The following MEGF6 variants were observed in gnomAD, a reference collection of about 807,000 sequenced individuals.
MEGF6 encodes multiple EGF like domains 6.
MEGF6 carries 184 observed loss-of-function variants against 207.1 expected under a neutral mutation model. The ratio of observed to expected loss-of-function variants is 0.89; its 90% CI spans 0.79 to 1.00. The LOEUF is 1.00. MEGF6 is among the 50% of genes least tolerant of loss of function. The pLI is 0.00. For synonymous variants in MEGF6, 1,038 were observed against 910.0 expected, an observed-to-expected ratio of 1.14 and a Z score of -2.53; for missense variants, 2,282 against 2,202.9, an observed-to-expected ratio of 1.04 and a Z score of -0.72.
At chr1:3,563,761 G>T (rs1227819636) in intron 4 of MEGF6, among the ~76,000 whole-genome samples, 1 of 152,192 alleles carries the variant, frequency 6.6e-6, no homozygotes, top group African/African-American at 2.4e-5. Context: ...AGCAAGTCCT[G>T]CTCCCATTCT....
intron 1 of MEGF6, among the ~76,000 whole-genome samples, chr1:3,606,393 G>A (rs191400045): frequency 2.0e-5 from 3 of 152,328 alleles, no homozygotes; most frequent in African/African-American, 7.2e-5. Context: ...CAGGCCTAGC[G>A]GTTTGAAGCA....
Position 3,611,313 on chromosome 1 carries a change from C to T in MEGF6, c.-45G>A. ...TCCGCTCTCCGGCTCACAGGCGGCC[C>T]CGGCGGCTCCCCGGAGCCTCCGCCT... On this transcript the variant is annotated 5_prime_UTR_variant, in exon 1 of 37. Coordinates refer to ENST00000356575, the MANE Select transcript of MEGF6 (RefSeq NM_001409.4). 1.4e-6 allele frequency: 2 copies of T among 1,405,786 alleles called. No individual in the cohort carries two copies. The highest frequency in any genetic ancestry group is 9.2e-7 in the Non-Finnish European group (1 of 1,086,610). The allele number at this position is 1,405,786 out of a possible 1,614,324, so 87.1% of individuals were successfully genotyped here.
chr1:3,524,277 G>C (rs1242500483), intron 4 of MEGF6, 31 bp from the exon 5 acceptor site: 1 of 1,596,018 alleles, frequency 6.3e-7, no homozygotes, highest in Non-Finnish European at 8.6e-7. Flanking sequence ...ATCAGCAGCT[G>C]GGCACCTGTG....
intron 4 of MEGF6, among the ~76,000 whole-genome samples, chr1:3,557,596 G>A (rs963880676): frequency 7.9e-5 from 12 of 152,184 alleles, no homozygotes; most frequent in Non-Finnish European, 1.2e-4. Flanking sequence ...ATCAGACCCC[G>A]CCCCACCTTG....
In MEGF6 at chr1:3,504,310, C is replaced by T. The variant is rs942793791; in HGVS notation, c.2188+898G>A. Among the ~76,000 whole-genome samples, 4 of 152,262 alleles carry T rather than the reference C, an allele frequency of 2.6e-5. No homozygotes were observed. In the South Asian group the frequency reaches 8.3e-4, roughly 32 times the overall value. On this transcript the variant is annotated intron_variant, in intron 17 of 36. Coordinates refer to ENST00000356575, the MANE Select transcript of MEGF6 (RefSeq NM_001409.4). Reference sequence around the variant, plus strand: ...GACCTGCCCAGGCCCTGTTGGCGGCCGCTGCGGCAGCTCCATTACTCATGC... The same window carrying T: ...GACCTGCCCAGGCCCTGTTGGCGGCTGCTGCGGCAGCTCCATTACTCATGC...
chr1:3,597,222 G>C (rs185236713), intron 2 of MEGF6, among the ~76,000 whole-genome samples: 1 of 152,270 alleles, frequency 6.6e-6, no homozygotes, highest in African/African-American at 2.4e-5. Context: ...TGGAAGGTTC[G>C]CTGCCTCTCG....
intron 4 of MEGF6, among the ~76,000 whole-genome samples, chr1:3,551,771 C>T (rs1642892536): frequency 6.6e-6 from 1 of 152,150 alleles, no homozygotes; most frequent in Admixed American, 6.5e-5. Context: ...CATCCAGAAA[C>T]CAGCAGGGCT....
chr1:3,516,856 G>A (rs955593507), intron 5 of MEGF6, among the ~76,000 whole-genome samples: 18 of 152,208 alleles, frequency 1.2e-4, no homozygotes, highest in Admixed American at 9.8e-4. Context: ...GGGGGTCGCA[G>A]TGATGGCTCT....
intron 4 of MEGF6, among the ~76,000 whole-genome samples, chr1:3,571,384 A>G (rs1643488604): frequency 6.6e-6 from 1 of 152,116 alleles, no homozygotes; most frequent in Non-Finnish European, 1.5e-5. Flanking sequence ...GAAAACACCG[A>G]GACCAAGGCC....
At chr1:3,512,446 G>A (rs1641387648) in intron 7 of MEGF6, among the ~76,000 whole-genome samples, 1 of 152,346 alleles carries the variant, frequency 6.6e-6, no homozygotes, top group Non-Finnish European at 1.5e-5. Flanking sequence ...TCCGGCGGGG[G>A]CCTGATGATA....
chr1:3,549,265 G>A (rs1422393774), intron 4 of MEGF6, among the ~76,000 whole-genome samples: 1 of 152,162 alleles, frequency 6.6e-6, no homozygotes, highest in African/African-American at 2.4e-5. Context: ...CGGCCACCAG[G>A]AGAAAAGCCA....
At chr1:3,617,505 GGAA>G in the MEGF6 span, among the ~76,000 whole-genome samples, 2 of 152,172 alleles carry the variant, frequency 1.3e-5, no homozygotes, top group East Asian at 3.9e-4. Context: ...GAGAGCATCA[GGAA>G]GAAGAGCTAA....
chr1:3,592,848 T>C (rs912051311), intron 3 of MEGF6, among the ~76,000 whole-genome samples: 2 of 152,192 alleles, frequency 1.3e-5, no homozygotes, highest in East Asian at 3.9e-4. Context: ...TAAAAACGAA[T>C]GTTTAAAAAC....
chr1:3,494,656 G>T lies in MEGF6; in HGVS notation c.3957C>A (p.Ser1319Arg). The change falls in exon 31 of 37, where the codon AGC becomes AGA. Residue 1319 changes from serine to arginine, a missense_variant. Transcript: ENST00000356575. The part of the protein sequence containing the change: ...NGGLCHASNG[S>R]CSCGLGWTGR... ...CCGTCCAGCCCAGGCCACAGGAGCA[G>T]CTGCCGTTGCTGGCGTGGCACAGGC... The T allele has an allele frequency of 6.4e-7, 1 of 1,565,368 alleles. No homozygotes were observed. Among genetic ancestry groups the T allele is most frequent in the Non-Finnish European group, 8.6e-7 (1 of 1,156,482 alleles).
intron 4 of MEGF6, among the ~76,000 whole-genome samples, chr1:3,546,643 G>C (rs1364374751): frequency 6.7e-6 from 1 of 148,724 alleles, no homozygotes; most frequent in African/African-American, 2.5e-5. Context: ...GGTGGCAATG[G>C]GCTGGGAAGG....
chr1:3,598,688 G>A (rs1644110773), intron 2 of MEGF6, among the ~76,000 whole-genome samples: 2 of 148,872 alleles, frequency 1.3e-5, no homozygotes, highest in East Asian at 2.0e-4. Flanking sequence ...GCTGGTTCAC[G>A]CAGGGCGGGG....
In MEGF6 at chr1:3,501,900, C is replaced by A. The variant is rs771423924; in HGVS notation, c.2210G>T (p.Gly737Val). The change falls in exon 18 of 37, where the codon GGC (glycine) becomes GTC (valine). Residue 737 changes from glycine to valine, a missense_variant. Gly to Val is a moderately radical substitution (Grantham distance 109, BLOSUM62 -3). Transcript: ENST00000356575. The stretch of plus-strand genomic sequence containing the variant: ...GGAGCAGGAGCTCGAGCAGTTCACG[C>A]CAAACGTCCCCACCGGGCACTCTGC... The part of the protein sequence containing the change: ...CGQECPVGTF[G>V]VNCSSSCSCG... 6.2e-7 allele frequency: 1 copy of A among 1,610,202 alleles called. No homozygotes were observed. Among genetic ancestry groups the A allele is most frequent in the Admixed American group, 1.7e-5 (1 of 59,414 alleles).
chr1:3,499,981 C>T, intron 21 of MEGF6, 57 bp from the exon 22 acceptor site: 21 of 1,499,136 alleles, frequency 1.4e-5, no homozygotes, highest in Admixed American at 6.4e-5. Context: ...CTGACCCAGC[C>T]GTGCCCGGGC....
At chr1:3,609,846 G>C (rs117343230) in intron 1 of MEGF6, among the ~76,000 whole-genome samples, 1 of 152,188 alleles carries the variant, frequency 6.6e-6, no homozygotes, top group African/African-American at 2.4e-5. Context: ...GGTGGCAGAG[G>C]CCCCTCGCAA....
Sources: allele counts gnomAD v4.1 joint callset (sites outside exome capture counted in the v4.1 genomes callset), GRCh38; gene constraint gnomAD v4.1.1; transcripts MANE v1.5; gene names NCBI Gene and HGNC (gene_info 2026-07-23, HGNC 2026-07-21).